The following ZCCHC7 variants were observed in gnomAD, a reference collection of about 807,000 sequenced individuals.
ZCCHC7 encodes zinc finger CCHC-type containing 7.
A neutral mutation model predicts 52.0 loss-of-function variants in ZCCHC7; 35 were observed. The ratio of observed to expected loss-of-function variants is 0.67; its 90% CI spans 0.51 to 0.89. The LOEUF (loss-of-function observed/expected upper bound fraction) is 0.89. Among genes scored for constraint, ZCCHC7 ranks in the 40% least tolerant of loss-of-function variants. ZCCHC7 has a pLI of 0.00. For synonymous variants in ZCCHC7, 217 were observed against 221.5 expected (o/e 0.98, Z 0.18); for missense variants, 574 against 649.1 (o/e 0.88, Z 1.26).
In ZCCHC7 at chr9:37,280,239, G is replaced by A. The variant is rs147098119; in HGVS notation, c.611-21949G>A. Among the ~76,000 whole-genome samples the A allele has an allele frequency of 3.0e-4, 45 of 152,182 alleles. 1 individual carries two copies. Among genetic ancestry groups the A allele is most frequent in the Non-Finnish European group, 5.9e-4 (40 of 68,008 alleles). On this transcript the variant is annotated intron_variant, in intron 2 of 8. Coordinates refer to ENST00000336755, the MANE Select transcript of ZCCHC7 (RefSeq NM_032226.3). ...AAATAGATAAAAACAAAATTTGACG[G>A]GATTAAAGGATCTCCTCATCATAGA...
intron 2 of ZCCHC7, among the ~76,000 whole-genome samples, chr9:37,260,754 C>G (rs1354462610): frequency 2.6e-5 from 4 of 152,162 alleles, no homozygotes; most frequent in Non-Finnish European, 5.9e-5. Context: ...ATGCTACCTT[C>G]TTAGTAAGAC....
chr9:37,305,606 C>A lies in ZCCHC7; in HGVS notation c.843C>A (p.Pro281=), dbSNP rs35378147. The change falls in exon 5 of 9, where the codon CCC becomes CCA. Residue 281 remains proline (P), a synonymous_variant. Coordinates refer to ENST00000336755, the MANE Select transcript of ZCCHC7 (RefSeq NM_032226.3). ...RGHLLYSCPA[P]LCEYCPVPKM... ...ATCTCCTGTATTCCTGTCCAGCCCC[C>A]CTTTGCGAATACTGTCCTGTGCCTA... The A allele has an allele frequency of 0.01, 16,294 of 1,614,058 alleles. 1,221 individuals carry two copies. In the African/African-American group the frequency reaches 0.18, roughly 18 times the overall value.
Position 37,126,920 on chromosome 9 carries a change from A to G in ZCCHC7, c.588A>G (p.Gly196=). 1.2e-5 allele frequency: 20 copies of G among 1,613,794 alleles called. No individual in the cohort carries two copies. Among genetic ancestry groups the G allele is most frequent in the Non-Finnish European group, 1.7e-5 (20 of 1,179,936 alleles). Residue 196 remains glycine (G), a synonymous_variant, in exon 2 of 9, where the codon GGA becomes GGG. Coordinates refer to ENST00000336755, the MANE Select transcript of ZCCHC7 (RefSeq NM_032226.3). ...ATGATATCCTTCTCAACCTTGTGGG[A>G]TGTGAAAACTCTGTTACTGAAGGTT... ...KDDDILLNLV[G]CENSVTEGED...
At chr9:37,120,672 G>C (rs1842266365) in intron 1 of ZCCHC7, 49 bp downstream of exon 1, 1 of 384,318 alleles carries the variant, frequency 2.6e-6, no homozygotes, top group African/African-American at 2.1e-5. Flanking sequence ...CGGGACCCCT[G>C]CCTACCCTCC....
chr9:37,153,505 G>A (rs756102484), intron 2 of ZCCHC7, among the ~76,000 whole-genome samples: 19 of 151,934 alleles, frequency 1.3e-4, no homozygotes, highest in Non-Finnish European at 2.6e-4. Flanking sequence ...TTTAGGGTCA[G>A]GGTTCACTCT....
chr9:37,212,048 A>G (rs1379073414), intron 2 of ZCCHC7, among the ~76,000 whole-genome samples: 4 of 95,270 alleles, frequency 4.2e-5, no homozygotes, highest in African/African-American at 1.2e-4. Context: ...AAAAAAAAAA[A>G]AAAAAAAAAA....
chr9:37,324,924 G>A (rs1564255394), intron 5 of ZCCHC7, among the ~76,000 whole-genome samples: 1 of 152,202 alleles, frequency 6.6e-6, no homozygotes, highest in Non-Finnish European at 1.5e-5. Context: ...GTTTAAGATT[G>A]AGTGTTTTAT....
At chr9:37,166,346 G>A (rs1192913527) in intron 2 of ZCCHC7, among the ~76,000 whole-genome samples, 6 of 152,056 alleles carry the variant, frequency 3.9e-5, no homozygotes, top group Non-Finnish European at 7.4e-5. Flanking sequence ...GCAGTGAGCC[G>A]AGATCGCGCC....
intron 2 of ZCCHC7, among the ~76,000 whole-genome samples, chr9:37,226,603 G>A (rs1343248266): frequency 2.6e-5 from 4 of 152,178 alleles, no homozygotes; most frequent in African/African-American, 7.2e-5. Context: ...AAGCTTTTCA[G>A]CAAATTGGTG....
intron 2 of ZCCHC7, among the ~76,000 whole-genome samples, 155 bp downstream of exon 2, chr9:37,127,097 G>T (rs1842574482): frequency 6.6e-6 from 1 of 152,132 alleles, no homozygotes. Flanking sequence ...CTTACCAGTG[G>T]CTACTCTAAT....
chr9:37,158,769 T>C (rs915665618), intron 2 of ZCCHC7, among the ~76,000 whole-genome samples: 2 of 152,210 alleles, frequency 1.3e-5, no homozygotes, highest in African/African-American at 2.4e-5. Flanking sequence ...TTGTACACTA[T>C]GTGTGAAAGA....
At chr9:37,138,294 GGC>G (rs1843081952) in intron 2 of ZCCHC7, among the ~76,000 whole-genome samples, 1 of 152,032 alleles carries the variant, frequency 6.6e-6, no homozygotes, top group Non-Finnish European at 1.5e-5. Context: ...AGCTTTTTAT[GGC>G]CATTGTTCAG....
chr9:37,170,998 C>T (rs1821697968), intron 2 of ZCCHC7, among the ~76,000 whole-genome samples: 1 of 152,124 alleles, frequency 6.6e-6, no homozygotes. Flanking sequence ...AAAAAGCTCA[C>T]AGATTGCAGG....
At chr9:37,162,929 A>G (rs770017906) in intron 2 of ZCCHC7, among the ~76,000 whole-genome samples, 3 of 152,078 alleles carry the variant, frequency 2.0e-5, no homozygotes, top group Non-Finnish European at 4.4e-5. Flanking sequence ...CAGGCCGGGT[A>G]CTGTGGCTCA....
chr9:37,320,709 G>A (rs1830014832), intron 5 of ZCCHC7, among the ~76,000 whole-genome samples: 1 of 152,158 alleles, frequency 6.6e-6, no homozygotes, highest in African/African-American at 2.4e-5. Flanking sequence ...TATAAAAAAA[G>A]GTATTGTCTT....
At chr9:37,189,723 A>G (rs1013679362) in intron 2 of ZCCHC7, among the ~76,000 whole-genome samples, 3 of 151,996 alleles carry the variant, frequency 2.0e-5, no homozygotes, top group African/African-American at 4.8e-5. Context: ...GGTTGGGTTC[A>G]TTCAGGTTGA....
intron 2 of ZCCHC7, among the ~76,000 whole-genome samples, chr9:37,289,564 A>G (rs1828429157): frequency 6.6e-6 from 1 of 152,152 alleles, no homozygotes; most frequent in Non-Finnish European, 1.5e-5. Flanking sequence ...CAGAGGTACT[A>G]TCTTTTTTGG....
intron 2 of ZCCHC7, among the ~76,000 whole-genome samples, chr9:37,143,289 T>C (rs1164793788): frequency 6.6e-6 from 1 of 151,746 alleles, no homozygotes; most frequent in Non-Finnish European, 1.5e-5. Context: ...GAAATACTTT[T>C]ATTCATGATT....
intron 2 of ZCCHC7, among the ~76,000 whole-genome samples, chr9:37,169,331 C>T (rs1019951204): frequency 5.9e-5 from 9 of 152,198 alleles, no homozygotes; most frequent in African/African-American, 2.2e-4. Context: ...GGCATAAGCT[C>T]GTTCTAAAAA....
Sources: allele counts gnomAD v4.1 joint callset (sites outside exome capture counted in the v4.1 genomes callset), GRCh38; gene constraint gnomAD v4.1.1; transcripts MANE v1.5; gene names NCBI Gene and HGNC (gene_info 2026-07-23, HGNC 2026-07-21).